SLC2A13: variants seen among roughly 807,000 people sequenced by gnomAD.
SLC2A13 encodes proton myo-inositol cotransporter.
A neutral mutation model predicts 64.4 loss-of-function variants in SLC2A13; 32 were observed. The ratio of observed to expected loss-of-function variants is 0.50; its 90% CI spans 0.37 to 0.67. The LOEUF (loss-of-function observed/expected upper bound fraction) is 0.67. Ranked by LOEUF, SLC2A13 falls within the 30% of genes least tolerant of loss-of-function variation. SLC2A13 has a pLI of 0.00. For synonymous variants in SLC2A13, 338 were observed against 327.1 expected, an observed-to-expected ratio of 1.03 and a Z score of -0.36; for missense variants, 743 against 829.2, an observed-to-expected ratio of 0.90 and a Z score of 1.28.
intron 4 of SLC2A13, among the ~76,000 whole-genome samples, chr12:39,905,589 G>C (rs9325174): frequency 0.43 from 65,236 of 151,922 alleles, 14,397 homozygotes; most frequent in East Asian, 0.76. Context: ...AAATGTGTAT[G>C]AGTGAATTTT....
At chr12:40,034,094 T>C (rs1055597337) in intron 2 of SLC2A13, among the ~76,000 whole-genome samples, 1 of 152,212 alleles carries the variant, frequency 6.6e-6, no homozygotes, top group Non-Finnish European at 1.5e-5. Context: ...AGTCAAGCTG[T>C]AATGGAAAAA....
intron 7 of SLC2A13, among the ~76,000 whole-genome samples, chr12:39,824,950 G>A (rs978827852): frequency 2.6e-5 from 4 of 152,178 alleles, no homozygotes; most frequent in African/African-American, 9.6e-5. Context: ...ATAGATATTA[G>A]GGTAATGACA....
rs1947214903 is a variant in SLC2A13 at position 39,995,658 on chromosome 12, C to T, written c.925+32643G>A. Among the ~76,000 whole-genome samples the T allele has an allele frequency of 1.3e-5, 2 of 152,210 alleles. 1 individual carries two copies. The highest frequency in any genetic ancestry group is 4.1e-4 in the South Asian group (2 of 4,836). On this transcript the variant is annotated intron_variant, in intron 3 of 9. Coordinates refer to ENST00000280871, the MANE Select transcript of SLC2A13 (RefSeq NM_052885.4). ...TTTTCCATACCAAATGTAGCTTTGA[C>T]ATCTGATATGGTTTGGCTGTGTCCC... is the stretch of plus-strand genomic sequence containing the variant.
rs1009425201 is a variant in SLC2A13 at position 39,986,523 on chromosome 12, G to GA, written c.926-35159dup. ...GTTAAATACAACGAAATGAATTACT[G>GA]AAAAAAAATGAAAAAAGGCACACAA... On this transcript the variant is annotated intron_variant, in intron 3 of 9. Transcript: ENST00000280871. Among the ~76,000 whole-genome samples the GA allele has an allele frequency of 2.0e-4, 30 of 150,936 alleles. 1 individual carries two copies. Among genetic ancestry groups the GA allele is most frequent in the African/African-American group, 5.6e-4 (23 of 41,052 alleles).
intron 1 of SLC2A13, among the ~76,000 whole-genome samples, chr12:40,084,629 G>A (rs1344109147): frequency 6.6e-6 from 1 of 152,162 alleles, no homozygotes; most frequent in Non-Finnish European, 1.5e-5. Context: ...CTATAAGGCA[G>A]CACTGGGCTT....
intron 6 of SLC2A13, among the ~76,000 whole-genome samples, chr12:39,832,509 T>C (rs1273724243): frequency 6.6e-6 from 1 of 152,074 alleles, no homozygotes; most frequent in Non-Finnish European, 1.5e-5. Context: ...CCATAACAAA[T>C]AACTTCCTCC....
Position 39,937,021 on chromosome 12 carries a change from G to A in SLC2A13, c.1034+14236C>T, listed in dbSNP as rs139843106. 8.8e-4 allele frequency among the ~76,000 whole-genome samples: 134 copies of A among 152,216 alleles called. 1 individual carries two copies. The highest frequency in any genetic ancestry group is 2.8e-3 in the African/African-American group (115 of 41,546). ...AAGACTTGGACAGCACCACCATTAC[G>A]GTTCAAATTGAGTAGGAAAAGCCAT... On this transcript the variant is annotated intron_variant, in intron 4 of 9. Transcript: ENST00000280871.
chr12:40,090,106 T>C (rs1044268396), intron 1 of SLC2A13, among the ~76,000 whole-genome samples: 8 of 152,198 alleles, frequency 5.3e-5, no homozygotes, highest in Non-Finnish European at 1.2e-4. Flanking sequence ...AAGAGGAGTA[T>C]GCCAAATGCT....
chr12:39,834,872 A>AC (rs1942964168), intron 6 of SLC2A13, among the ~76,000 whole-genome samples: 3 of 152,104 alleles, frequency 2.0e-5, no homozygotes, highest in Non-Finnish European at 4.4e-5. Context: ...CAAAACTTTA[A>AC]ATATCCTGGG....
At chr12:39,896,319 T>C (rs1158838365) in intron 4 of SLC2A13, among the ~76,000 whole-genome samples, 2 of 124,578 alleles carry the variant, frequency 1.6e-5, no homozygotes, top group Non-Finnish European at 3.3e-5. Flanking sequence ...CATATATGTA[T>C]GTATATGTGT....
At chr12:40,080,057 T>A (rs1365818963) in intron 1 of SLC2A13, among the ~76,000 whole-genome samples, 1 of 152,180 alleles carries the variant, frequency 6.6e-6, no homozygotes, top group Non-Finnish European at 1.5e-5. Context: ...AGACAGGGTT[T>A]CACCATGTTG....
intron 3 of SLC2A13, among the ~76,000 whole-genome samples, chr12:39,978,089 A>G (rs1946797154): frequency 6.6e-6 from 1 of 152,250 alleles, no homozygotes; most frequent in African/African-American, 2.4e-5. Flanking sequence ...GAGAACTGAT[A>G]GAAGTAAGCC....
At chr12:40,020,584 A>G (rs1230614551) in intron 3 of SLC2A13, among the ~76,000 whole-genome samples, 1 of 152,166 alleles carries the variant, frequency 6.6e-6, no homozygotes, top group Non-Finnish European at 1.5e-5. Context: ...ACACATGGCC[A>G]TTGATATTCT....
At position 40,023,200 on chromosome 12, in the gene SLC2A13, G is replaced by A. The variant is rs188833119; in HGVS notation, c.925+5101C>T. On this transcript the variant is annotated intron_variant, in intron 3 of 9. Coordinates refer to ENST00000280871, the MANE Select transcript of SLC2A13 (RefSeq NM_052885.4). ...GAAAGCTTTTGTTGTTCATGCTTTT[G>A]TTGTTCATGCTTTCCTTCCAATGAT... Among the ~76,000 whole-genome samples the A allele has an allele frequency of 4.6e-5, 7 of 152,302 alleles. No homozygotes were observed. In the East Asian group the frequency reaches 1.4e-3, roughly 29 times the overall value.
intron 4 of SLC2A13, among the ~76,000 whole-genome samples, chr12:39,912,042 T>G (rs1175116954): frequency 1.3e-5 from 2 of 151,990 alleles, no homozygotes; most frequent in Non-Finnish European, 2.9e-5. Context: ...TGAACCAGAT[T>G]TGGAACCAGG....
At chr12:40,071,755 T>C (rs1285091596) in intron 1 of SLC2A13, among the ~76,000 whole-genome samples, 1 of 152,170 alleles carries the variant, frequency 6.6e-6, no homozygotes. Flanking sequence ...TCATTTTTAA[T>C]GTCCATGGAA....
chr12:39,819,575 A>G (rs554385488), intron 7 of SLC2A13, among the ~76,000 whole-genome samples: 1 of 152,240 alleles, frequency 6.6e-6, no homozygotes, highest in East Asian at 1.9e-4. Flanking sequence ...TTTCTCTCAA[A>G]TGTCCTTGAC....
At chr12:40,084,622 T>C (rs1002937046) in intron 1 of SLC2A13, among the ~76,000 whole-genome samples, 3 of 152,224 alleles carry the variant, frequency 2.0e-5, no homozygotes, top group Non-Finnish European at 2.9e-5. Flanking sequence ...AATTATACTA[T>C]AAGGCAGCAC....
intron 4 of SLC2A13, among the ~76,000 whole-genome samples, chr12:39,875,857 C>T (rs1944171115): frequency 6.6e-6 from 1 of 152,136 alleles, no homozygotes. Flanking sequence ...AATGGGCTAC[C>T]TACCACTGAG....
Sources: gnomAD v4.1 joint callset for allele counts (sites outside exome capture counted in the v4.1 genomes callset) on GRCh38, gnomAD v4.1.1 for gene constraint, MANE v1.5 for transcripts, NCBI Gene and HGNC (gene_info 2026-07-23, HGNC 2026-07-21) for gene names.